Variants in GRID1 observed in about 807,000 individuals in gnomAD.
GRID1 encodes the protein glutamate receptor ionotropic, delta-1.
Under a neutral mutation model 98.0 loss-of-function variants are expected in GRID1, and 28 were observed. That is an observed-to-expected ratio of 0.29 (90% CI 0.21 to 0.39). The LOEUF is 0.39. Ranked by LOEUF, GRID1 falls within the 10% of genes least tolerant of loss-of-function variation. The pLI is 1.00. For synonymous variants in GRID1, 553 were observed against 538.5 expected (o/e 1.03, Z -0.37); for missense variants, 1,111 against 1,340.5 (o/e 0.83, Z 2.67).
chr10:86,242,216 G>T (rs1467512268), intron 2 of GRID1, among the ~76,000 whole-genome samples: 1 of 152,218 alleles, frequency 6.6e-6, no homozygotes, highest in East Asian at 1.9e-4. Context: ...ACCAAGGAAA[G>T]AATAAGGTCA....
chr10:86,020,367 C>T (rs921946691), intron 4 of GRID1, among the ~76,000 whole-genome samples: 1 of 152,210 alleles, frequency 6.6e-6, no homozygotes, highest in African/African-American at 2.4e-5. Context: ...CGCTGACCGA[C>T]TGAGCCATCC....
intron 12 of GRID1, among the ~76,000 whole-genome samples, chr10:85,704,326 C>T (rs1841489427): frequency 6.6e-6 from 1 of 152,112 alleles, no homozygotes; most frequent in South Asian, 2.1e-4. Flanking sequence ...ATCCTAGTCT[C>T]TGATAAAACA....
chr10:86,111,555 G>A lies in GRID1; in HGVS notation c.726+27264C>T, dbSNP rs554683620. On this transcript the variant is annotated intron_variant, in intron 4 of 15. Transcript: ENST00000327946. Reference sequence around the variant, plus strand: ...AGGACACCTGTTCCCTGATATATGTGTTCTATAAATTAAACTGGGCAAGAG... The same window carrying A: ...AGGACACCTGTTCCCTGATATATGTATTCTATAAATTAAACTGGGCAAGAG... Among the ~76,000 whole-genome samples, 3 of 152,336 alleles carry A rather than the reference G, an allele frequency of 2.0e-5. No individual in the cohort carries two copies. The South Asian group carries it at 6.2e-4, about 32-fold the overall frequency.
At chr10:85,619,742 T>C in intron 14 of GRID1, 125 bp downstream of exon 14, 3 of 720,088 alleles carry the variant, frequency 4.2e-6, no homozygotes, top group South Asian at 3.6e-5. Flanking sequence ...GGACATAGTA[T>C]GTGCTTGGGA....
chr10:85,923,228 C>T (rs111516916), intron 4 of GRID1, among the ~76,000 whole-genome samples: 4,199 of 152,142 alleles, frequency 0.028, 209 homozygotes, highest in African/African-American at 0.096. Flanking sequence ...CAGGAAACAC[C>T]CCATCTGGGC....
chr10:85,719,371 A>G (rs754860142), intron 12 of GRID1, among the ~76,000 whole-genome samples: 1 of 152,138 alleles, frequency 6.6e-6, no homozygotes, highest in Non-Finnish European at 1.5e-5. Flanking sequence ...TTCAGTACCA[A>G]TTTACTGTAT....
intron 12 of GRID1, among the ~76,000 whole-genome samples, chr10:85,655,791 T>G (rs1415251459): frequency 6.6e-6 from 1 of 152,154 alleles, no homozygotes; most frequent in South Asian, 2.1e-4. Flanking sequence ...TTGCCTTCCA[T>G]CCTTTTAAAA....
intron 4 of GRID1, among the ~76,000 whole-genome samples, chr10:85,932,676 T>G (rs922883650): frequency 2.0e-4 from 31 of 152,202 alleles, no homozygotes; most frequent in African/African-American, 7.5e-4. Flanking sequence ...CAGACTTGTC[T>G]AATCAATTAG....
intron 8 of GRID1, among the ~76,000 whole-genome samples, chr10:85,766,289 C>A (rs1842197286): frequency 6.6e-6 from 1 of 152,116 alleles, no homozygotes. Context: ...AGTTCGAGAC[C>A]AGCTTGGGCA....
At chr10:85,985,265 C>T (rs559022811) in intron 4 of GRID1, among the ~76,000 whole-genome samples, 2 of 152,288 alleles carry the variant, frequency 1.3e-5, no homozygotes, top group Admixed American at 6.5e-5. Flanking sequence ...ACTTGCCCAA[C>T]GTCACTAAGC....
intron 2 of GRID1, among the ~76,000 whole-genome samples, chr10:86,295,268 A>G (rs955167446): frequency 6.6e-6 from 1 of 152,176 alleles, no homozygotes; most frequent in African/African-American, 2.4e-5. Flanking sequence ...AGCAGATGGA[A>G]ATAATCCACT....
chr10:86,312,381 G>C (rs1422469672), intron 2 of GRID1, among the ~76,000 whole-genome samples: 1 of 152,146 alleles, frequency 6.6e-6, no homozygotes, highest in Non-Finnish European at 1.5e-5. Flanking sequence ...CTCACCCATC[G>C]CCTCCCAAGG....
At chr10:85,818,605 C>T (rs930101850) in intron 8 of GRID1, among the ~76,000 whole-genome samples, 6 of 152,138 alleles carry the variant, frequency 3.9e-5, no homozygotes, top group Non-Finnish European at 8.8e-5. Context: ...AACAGAGCAT[C>T]TTATAGCATG....
chr10:85,951,454 T>C (rs750614232), intron 4 of GRID1, among the ~76,000 whole-genome samples: 3 of 152,138 alleles, frequency 2.0e-5, no homozygotes, highest in Non-Finnish European at 4.4e-5. Context: ...GGGAGACGTT[T>C]AATTGGGGTT....
intron 8 of GRID1, among the ~76,000 whole-genome samples, chr10:85,778,172 C>T (rs1388476538): frequency 1.3e-5 from 2 of 152,118 alleles, no homozygotes; most frequent in East Asian, 3.9e-4. Flanking sequence ...TGGCACTGGC[C>T]CTGGAGGGGC....
At chr10:85,667,316 C>CAGAGAGAGAG (rs5786718) in intron 12 of GRID1, among the ~76,000 whole-genome samples, 1 of 148,816 alleles carries the variant, frequency 6.7e-6, no homozygotes, top group Non-Finnish European at 1.5e-5. Context: ...CACACACACA[C>CAGAGAGAGAG]AGAGAGAGAG....
At chr10:86,274,729 T>C (rs1345777460) in intron 2 of GRID1, among the ~76,000 whole-genome samples, 1 of 151,744 alleles carries the variant, frequency 6.6e-6, no homozygotes. Context: ...TATTGGTGTA[T>C]AAGAATGCTT....
rs1284633587 is a variant in GRID1, at chr10:85,647,303, G to T, written c.2092C>A (p.Pro698Thr). ...GCAAACGTGCTGTCCTGCTCCAGGG[G>T]GTTGGTGCCCTTGGCTCGGAAGTAC... ...YEYFRAKGTN[P>T]LEQDSTFAEL... The change falls in exon 13 of 16, where the codon CCC becomes ACC. Residue 698 changes from proline (P) to threonine (T), a missense_variant. Coordinates refer to ENST00000327946, the MANE Select transcript of GRID1 (RefSeq NM_017551.3). 2.5e-6 allele frequency: 4 copies of T among 1,614,082 alleles called. No individual in the cohort carries two copies. Among genetic ancestry groups the T allele is most frequent in the Non-Finnish European group, 3.4e-6 (4 of 1,180,008 alleles).
chr10:85,954,676 T>A (rs1692356164), intron 4 of GRID1, among the ~76,000 whole-genome samples: 1 of 152,128 alleles, frequency 6.6e-6, no homozygotes, highest in African/African-American at 2.4e-5. Context: ...AATAGCAAAA[T>A]CAGGCAATAC....
Sources: allele counts gnomAD v4.1 joint callset (sites outside exome capture counted in the v4.1 genomes callset), GRCh38; gene constraint gnomAD v4.1.1; transcripts MANE v1.5; gene names NCBI Gene and HGNC (gene_info 2026-07-23, HGNC 2026-07-21).